The following THSD7A variants were observed in gnomAD, a reference collection of about 807,000 sequenced individuals.
The protein encoded by THSD7A is thrombospondin type-1 domain-containing protein 7A.
Under a neutral mutation model 231.3 loss-of-function variants are expected in THSD7A, and 96 were observed. That is an observed-to-expected ratio of 0.41 (90% CI 0.35 to 0.49). The LOEUF (loss-of-function observed/expected upper bound fraction) is 0.49, where lower values mean the gene tolerates loss of function less well. Ranked by LOEUF, THSD7A falls within the 20% of genes least tolerant of loss-of-function variation. The pLI, the probability that THSD7A is intolerant of heterozygous loss-of-function variation, is 0.05. For synonymous variants in THSD7A, 940 were observed against 743.3 expected (o/e 1.26, Z -4.30); for missense variants, 2,290 against 2,070.2 (o/e 1.11, Z -2.06).
intron 23 of THSD7A, among the ~76,000 whole-genome samples, chr7:11,385,926 T>A (rs1454531060): frequency 6.6e-6 from 1 of 152,122 alleles, no homozygotes; most frequent in Non-Finnish European, 1.5e-5. Context: ...TGTCCATATG[T>A]TCTCGTTGTT....
intron 1 of THSD7A, among the ~76,000 whole-genome samples, chr7:11,758,827 G>A (rs1163651997): frequency 6.6e-6 from 1 of 152,054 alleles, no homozygotes; most frequent in Non-Finnish European, 1.5e-5. Flanking sequence ...CATGGCCTCT[G>A]TTGCAACCAC....
chr7:11,431,117 G>A (rs1295827716), intron 13 of THSD7A, among the ~76,000 whole-genome samples: 2 of 152,114 alleles, frequency 1.3e-5, no homozygotes, highest in Non-Finnish European at 2.9e-5. Context: ...AGATATGCAC[G>A]CATGTTCCAA....
intron 6 of THSD7A, among the ~76,000 whole-genome samples, chr7:11,496,515 G>A (rs75206405): frequency 1.1e-3 from 166 of 152,232 alleles, no homozygotes; most frequent in African/African-American, 3.8e-3. Context: ...GTTTAGGGCT[G>A]AGACATCCGT....
rs1584080094 is a variant in THSD7A, at chr7:11,611,915, T to A, written c.1023-18413A>T. On this transcript the variant is annotated intron_variant, in intron 2 of 27. Transcript: ENST00000423059. ...CTATCTTTCCTGCTCCCCTGAAAGA[T>A]ATGGTAACTGAGACCCAGAAATATC... is the stretch of plus-strand genomic sequence containing the variant. 2.6e-5 allele frequency among the ~76,000 whole-genome samples: 4 copies of A among 151,856 alleles called. 1 individual carries two copies. In the South Asian group the frequency reaches 8.4e-4, roughly 32 times the overall value.
chr7:11,571,178 G>A (rs550174469), intron 4 of THSD7A, among the ~76,000 whole-genome samples: 1 of 152,268 alleles, frequency 6.6e-6, no homozygotes, highest in African/African-American at 2.4e-5. Flanking sequence ...GAGAAGGGAA[G>A]CTGATTTCTC....
At chr7:11,426,252 G>A (rs773009292) in intron 15 of THSD7A, among the ~76,000 whole-genome samples, 19 of 152,176 alleles carry the variant, frequency 1.2e-4, no homozygotes, top group South Asian at 6.2e-4. Flanking sequence ...TCCTTTGATG[G>A]CTTTTATTTT....
At chr7:11,401,691 C>T (rs1207891224) in intron 23 of THSD7A, 104 bp downstream of exon 23, 23 of 1,071,460 alleles carry the variant, frequency 2.1e-5, no homozygotes, top group African/African-American at 4.9e-5. Flanking sequence ...GGATTACAGG[C>T]GTGAGCCACC....
chr7:11,378,766 T>A, intron 26 of THSD7A: 1 of 318,308 alleles, frequency 3.1e-6, no homozygotes, highest in East Asian at 6.8e-5. Context: ...AAAATTCATG[T>A]TTCTAACTTT....
chr7:11,603,064 A>G (rs866278774), intron 2 of THSD7A, among the ~76,000 whole-genome samples: 33 of 150,990 alleles, frequency 2.2e-4, no homozygotes, highest in African/African-American at 7.3e-4. Flanking sequence ...GCACAGCAAA[A>G]GAAACTACCA....
intron 1 of THSD7A, among the ~76,000 whole-genome samples, chr7:11,690,887 A>G (rs1047290923): frequency 6.6e-6 from 1 of 151,708 alleles, no homozygotes; most frequent in Non-Finnish European, 1.5e-5. Context: ...AAATGTTAAA[A>G]TGTTCACCAA....
intron 6 of THSD7A, among the ~76,000 whole-genome samples, chr7:11,511,989 G>T (rs1787828766): frequency 6.6e-6 from 1 of 152,138 alleles, no homozygotes; most frequent in African/African-American, 2.4e-5. Context: ...TTATCAGAGT[G>T]AACAGGCAAC....
At chr7:11,517,157 C>A (rs1238764130) in intron 6 of THSD7A, among the ~76,000 whole-genome samples, 1 of 152,136 alleles carries the variant, frequency 6.6e-6, no homozygotes, top group African/African-American at 2.4e-5. Flanking sequence ...TGGCTCACTG[C>A]ATCCTCCACC....
At chr7:11,601,773 C>A (rs901827337) in intron 2 of THSD7A, among the ~76,000 whole-genome samples, 1 of 152,058 alleles carries the variant, frequency 6.6e-6, no homozygotes, top group African/African-American at 2.4e-5. Flanking sequence ...TTGGTAGAAC[C>A]CAAAATGTAA....
intron 1 of THSD7A, among the ~76,000 whole-genome samples, chr7:11,681,356 T>A (rs1461749992): frequency 6.6e-6 from 1 of 152,040 alleles, no homozygotes; most frequent in African/African-American, 2.4e-5. Context: ...CTGCACATTC[T>A]GCATATGTAT....
At chr7:11,400,405 T>C (rs1783360180) in intron 23 of THSD7A, among the ~76,000 whole-genome samples, 1 of 152,182 alleles carries the variant, frequency 6.6e-6, no homozygotes, top group Non-Finnish European at 1.5e-5. Flanking sequence ...CAAGATCTCC[T>C]CTAGGTACTT....
chr7:11,680,511 A>C lies in THSD7A; in HGVS notation c.191-43550T>G, dbSNP rs570962346. Among the ~76,000 whole-genome samples the C allele has an allele frequency of 2.6e-5, 4 of 152,268 alleles. No individual in the cohort carries two copies. The South Asian group carries it at 6.2e-4, about 24-fold the overall frequency. Reference sequence around the variant, plus strand: ...AACTTAAACAAATTTACAAGAAAAAACAAACAACCCCATCAAAAAGTGAGC... The same window carrying C: ...AACTTAAACAAATTTACAAGAAAAACCAAACAACCCCATCAAAAAGTGAGC... On this transcript the variant is annotated intron_variant, in intron 1 of 27. Coordinates refer to ENST00000423059, the MANE Select transcript of THSD7A (RefSeq NM_015204.3).
At chr7:11,404,695 C>T (rs1282173521) in intron 22 of THSD7A, among the ~76,000 whole-genome samples, 2 of 152,206 alleles carry the variant, frequency 1.3e-5, no homozygotes, top group African/African-American at 2.4e-5. Context: ...AGGTTGTTGG[C>T]AGCAACACTT....
chr7:11,382,458 T>G, intron 24 of THSD7A, 63 bp downstream of exon 24: 1 of 1,327,256 alleles, frequency 7.5e-7, no homozygotes, highest in Admixed American at 1.9e-5. Context: ...ATTATTTTCT[T>G]CAACCAATCA....
At chr7:11,492,788 C>G (rs1335367581) in intron 6 of THSD7A, among the ~76,000 whole-genome samples, 1 of 151,964 alleles carries the variant, frequency 6.6e-6, no homozygotes, top group Non-Finnish European at 1.5e-5. Flanking sequence ...TAAACTTTTC[C>G]AAAACTTCCC....
Sources: allele counts gnomAD v4.1 joint callset (sites outside exome capture counted in the v4.1 genomes callset), GRCh38; gene constraint gnomAD v4.1.1; transcripts MANE v1.5; gene names NCBI Gene and HGNC (gene_info 2026-07-23, HGNC 2026-07-21).